CPB2: variants seen among roughly 807,000 people sequenced by gnomAD.
CPB2 encodes the protein carboxypeptidase B2, also known as carboxypeptidase B-like protein.
Under a neutral mutation model 57.0 loss-of-function variants are expected in CPB2, and 54 were observed. The observed-to-expected ratio is 0.95, with a 90% confidence interval of 0.76 to 1.19. The LOEUF is 1.19. Among genes scored for constraint, CPB2 ranks in the 50% most tolerant of loss-of-function variants. The pLI is 0.00. For synonymous variants in CPB2, 189 were observed against 178.1 expected (o/e 1.06, Z -0.49); for missense variants, 426 against 512.0 (o/e 0.83, Z 1.62).
At chr13:46,095,054 T>C (rs2045346361) in intron 1 of CPB2, 1 of 152,202 alleles carries the variant, frequency 6.6e-6, no homozygotes, top group Non-Finnish European at 1.5e-5. Flanking sequence ...TCAGGTGTGT[T>C]GGATGCAGGG....
intron 6 of CPB2, among the ~76,000 whole-genome samples, chr13:46,072,792 C>T (rs1031369014): frequency 2.0e-5 from 3 of 152,146 alleles, no homozygotes; most frequent in Non-Finnish European, 2.9e-5. Context: ...AATGTTCTTA[C>T]TCTCCTACTT....
At chr13:46,066,706 A>G (rs983829987) in intron 7 of CPB2, among the ~76,000 whole-genome samples, 12 of 151,952 alleles carry the variant, frequency 7.9e-5, no homozygotes, top group Admixed American at 7.9e-4. Flanking sequence ...TTAGCCAGGC[A>G]TGGTGGCAGG....
chr13:46,085,880 A>G (rs2139399986), intron 2 of CPB2, among the ~76,000 whole-genome samples: 1 of 152,280 alleles, frequency 6.6e-6, no homozygotes, highest in Non-Finnish European at 1.5e-5. Flanking sequence ...TCGGCCTGGC[A>G]GGCTGCACTC....
intron 2 of CPB2, among the ~76,000 whole-genome samples, chr13:46,086,362 T>C (rs915226160): frequency 3.7e-4 from 56 of 152,048 alleles, no homozygotes; most frequent in African/African-American, 1.3e-3. Context: ...AAGAGGAGCT[T>C]TACTGAGTAA....
At chr13:46,078,998 T>C (rs2045066302) in intron 4 of CPB2, 97 bp from the exon 5 acceptor site, 1 of 743,168 alleles carries the variant, frequency 1.3e-6, no homozygotes, top group Admixed American at 2.2e-5. Flanking sequence ...AAGGAAAACC[T>C]CTGTATGTGG....
chr13:46,084,772 CT>C (rs977701600), intron 2 of CPB2, among the ~76,000 whole-genome samples: 6 of 151,156 alleles, frequency 4.0e-5, no homozygotes, highest in Admixed American at 1.3e-4. Context: ...GTCATTTTTC[CT>C]TTTTTTAAAA....
intron 1 of CPB2, among the ~76,000 whole-genome samples, chr13:46,090,157 T>C (rs2045270209): frequency 6.6e-6 from 1 of 151,340 alleles, no homozygotes; most frequent in African/African-American, 2.4e-5. Flanking sequence ...CCTGCCCAAT[T>C]CTTTTTTTTT....
chr13:46,053,875 A>G, intron 10 of CPB2, 77 bp from the exon 11 acceptor site: 19 of 1,428,518 alleles, frequency 1.3e-5, no homozygotes, highest in Non-Finnish European at 1.8e-5. Context: ...TTTGATTTAA[A>G]TGTTTATTTG....
chr13:46,074,459 A>G (rs1384672948), intron 5 of CPB2, among the ~76,000 whole-genome samples: 1 of 152,134 alleles, frequency 6.6e-6, no homozygotes, highest in Admixed American at 6.6e-5. Flanking sequence ...TTTATTTCAC[A>G]CAAAAAGAAG....
rs764351349 is a variant in CPB2, at chr13:46,064,761, A to G, written c.703-20T>C. ...TCGATTCTACATAAACAAAATACAA[A>G]CAGACAACCTGGGTAGCCACGTTCA... is the stretch of plus-strand genomic sequence containing the variant. On this transcript the variant is annotated intron_variant, in intron 7 of 10. Coordinates refer to ENST00000181383, the MANE Select transcript of CPB2 (RefSeq NM_001872.5). 1 of 1,604,362 alleles carries G rather than the reference A, an allele frequency of 6.2e-7. No individual in the cohort carries two copies. The highest frequency in any genetic ancestry group is 1.1e-5 in the South Asian group (1 of 90,860).
Position 46,053,306 on chromosome 13 carries a change from T to G in CPB2, c.*308A>C, listed in dbSNP as rs2044605616. 1 of 235,942 alleles carries G rather than the reference T, an allele frequency of 4.2e-6. No homozygotes were observed. The highest frequency in any genetic ancestry group is 8.6e-5 in the East Asian group (1 of 11,562). 14.6% of individuals were successfully genotyped at this position (235,942 alleles called of 1,614,324 possible). On this transcript the variant is annotated 3_prime_UTR_variant, in exon 11 of 11. Transcript: ENST00000181383. ...CCAATGATCAGCGTGAGATGATCATTGATTAAACTTGCTTGAGATGGCTAG... is the reference window on the plus strand; with the variant it reads ...CCAATGATCAGCGTGAGATGATCATGGATTAAACTTGCTTGAGATGGCTAG...
At position 46,084,235 on chromosome 13, in the gene CPB2, T is replaced by C; in HGVS notation, c.259A>G (p.Ser87Gly). The C allele has an allele frequency of 1.2e-6, 2 of 1,614,178 alleles. No homozygotes were observed. The highest frequency in any genetic ancestry group is 3.3e-5 in the Admixed American group (2 of 60,022). Reference protein sequence around the residue: ...VDNVKAHLNVSGIPCSVLLAD... With the variant: ...VDNVKAHLNVGGIPCSVLLAD... Reference sequence around the variant, plus strand: ...GGTGCCTACCTGCATGGAATTCCGCTCACATTTAAATGGGCTTTCACATTG... The same window carrying C: ...GGTGCCTACCTGCATGGAATTCCGCCCACATTTAAATGGGCTTTCACATTG... The change falls in exon 3 of 11, where the codon AGC (serine) becomes GGC (glycine). Residue 87 changes from serine (S) to glycine (G), a missense_variant. Transcript: ENST00000181383.
At chr13:46,103,506 C>T (rs11574985) in intron 1 of CPB2, among the ~76,000 whole-genome samples, 2,564 of 152,348 alleles carry the variant, frequency 0.017, 65 homozygotes, top group African/African-American at 0.058. Flanking sequence ...CCAAGCTCTA[C>T]ATTTACTGTT....
At chr13:46,100,782 A>G (rs1312947705) in intron 1 of CPB2, 2 of 152,218 alleles carry the variant, frequency 1.3e-5, no homozygotes, top group African/African-American at 2.4e-5. Context: ...AAGGTTCTCA[A>G]CAACAAGAGC....
chr13:46,094,758 CA>C (rs1420380228), intron 1 of CPB2: 4 of 152,128 alleles, frequency 2.6e-5, no homozygotes, highest in Admixed American at 2.6e-4. Context: ...AAGGATTGCT[CA>C]ATCTTTACAA....
chr13:46,088,062 T>C (rs1270860404), intron 1 of CPB2, among the ~76,000 whole-genome samples: 3 of 152,242 alleles, frequency 2.0e-5, no homozygotes, highest in African/African-American at 7.2e-5. Flanking sequence ...GAGTATTTAC[T>C]TCTTTCCTTT....
At chr13:46,083,441 T>C (rs2045150437) in intron 3 of CPB2, among the ~76,000 whole-genome samples, 1 of 152,130 alleles carries the variant, frequency 6.6e-6, no homozygotes, top group Non-Finnish European at 1.5e-5. Context: ...CTATAATATA[T>C]TACTAATAAT....
At chr13:46,080,352 G>C (rs1343556431) in intron 4 of CPB2, among the ~76,000 whole-genome samples, 4 of 152,156 alleles carry the variant, frequency 2.6e-5, no homozygotes, top group Non-Finnish European at 4.4e-5. Flanking sequence ...GCACTTAGAG[G>C]AATATTCTGA....
intron 9 of CPB2, 56 bp downstream of exon 9, chr13:46,058,123 T>C: frequency 6.6e-7 from 1 of 1,513,372 alleles, no homozygotes; most frequent in East Asian, 2.3e-5. Context: ...ATTCTTCAAC[T>C]AAGTATTATT....
Sources: gnomAD v4.1 joint callset for allele counts (sites outside exome capture counted in the v4.1 genomes callset) on GRCh38, gnomAD v4.1.1 for gene constraint, MANE v1.5 for transcripts, NCBI Gene and HGNC (gene_info 2026-07-23, HGNC 2026-07-21) for gene names.